NTRK2: variants seen among roughly 807,000 people sequenced by gnomAD.
The protein encoded by NTRK2 is neurotrophic receptor tyrosine kinase 2, also known as BDNF/NT-3 growth factors receptor.
In NTRK2, 13 loss-of-function variants were observed where a neutral mutation model predicts 94.5. The ratio of observed to expected loss-of-function variants is 0.14; its 90% CI spans 0.09 to 0.22. The LOEUF is 0.22. Among genes scored for constraint, NTRK2 ranks in the 10% least tolerant of loss-of-function variants. The pLI is 1.00. For missense variants in NTRK2, 639 were observed against 1,071.2 expected, an observed-to-expected ratio of 0.60 and a Z score of 5.63; for synonymous variants, 372 against 407.4, an observed-to-expected ratio of 0.91 and a Z score of 1.05.
intron 14 of NTRK2, among the ~76,000 whole-genome samples, chr9:84,895,943 G>A (rs2076746155): frequency 6.6e-6 from 1 of 152,212 alleles, no homozygotes; most frequent in Non-Finnish European, 1.5e-5. Flanking sequence ...ACTTGCAGAG[G>A]CCTATGTTAA....
intron 12 of NTRK2, among the ~76,000 whole-genome samples, chr9:84,851,841 C>T (rs2074788523): frequency 6.6e-6 from 1 of 152,160 alleles, no homozygotes; most frequent in Non-Finnish European, 1.5e-5. Context: ...TTTGCATGAG[C>T]TACAACAAAT....
At chr9:84,918,617 A>C (rs981362995) in intron 14 of NTRK2, among the ~76,000 whole-genome samples, 21 of 152,242 alleles carry the variant, frequency 1.4e-4, no homozygotes, top group South Asian at 4.1e-4. Flanking sequence ...GTTTTTTAAC[A>C]AACTCTTTGC....
chr9:84,686,710 C>T (rs1304834602), intron 2 of NTRK2, among the ~76,000 whole-genome samples: 1 of 152,158 alleles, frequency 6.6e-6, no homozygotes, highest in Non-Finnish European at 1.5e-5. Context: ...AGTAAAAATG[C>T]ATTGGGCTGA....
intron 14 of NTRK2, chr9:84,874,489 C>T (rs2075994073): frequency 9.4e-7 from 1 of 1,065,842 alleles, no homozygotes; most frequent in Non-Finnish European, 1.1e-6. Flanking sequence ...TCCTGGGGAG[C>T]TGTGATGCTG....
chr9:84,987,899 A>G (rs992032470), intron 17 of NTRK2, among the ~76,000 whole-genome samples: 16 of 152,232 alleles, frequency 1.1e-4, no homozygotes, highest in African/African-American at 3.9e-4. Flanking sequence ...CCTGTTCTTC[A>G]ATGTTGTAAA....
chr9:84,963,542 G>A (rs1227671118), intron 17 of NTRK2, among the ~76,000 whole-genome samples: 1 of 152,070 alleles, frequency 6.6e-6, no homozygotes. Context: ...TTTATTACTG[G>A]TCTTGGGCAA....
intron 17 of NTRK2, among the ~76,000 whole-genome samples, chr9:84,985,572 T>C (rs1828190362): frequency 6.6e-6 from 1 of 152,254 alleles, no homozygotes; most frequent in South Asian, 2.1e-4. Context: ...CACTGATTAA[T>C]CTTTGTGCTC....
intron 12 of NTRK2, among the ~76,000 whole-genome samples, chr9:84,837,928 A>G (rs1181353660): frequency 6.6e-6 from 1 of 152,202 alleles, no homozygotes; most frequent in Admixed American, 6.5e-5. Flanking sequence ...TATTATTACC[A>G]TTATTTTATC....
chr9:84,748,868 T>TA (rs1387173734), intron 11 of NTRK2, among the ~76,000 whole-genome samples: 1 of 152,208 alleles, frequency 6.6e-6, no homozygotes, highest in Non-Finnish European at 1.5e-5. Context: ...GTGAAATGGT[T>TA]ACGTTTATCC....
chr9:84,913,220 T>C (rs953671138), intron 14 of NTRK2, among the ~76,000 whole-genome samples: 13 of 152,188 alleles, frequency 8.5e-5, no homozygotes, highest in African/African-American at 2.9e-4. Flanking sequence ...TCTCTTTGTA[T>C]GCCCTTTTTA....
intron 17 of NTRK2, among the ~76,000 whole-genome samples, chr9:85,012,209 G>A (rs897920241): frequency 1.3e-5 from 2 of 151,758 alleles, no homozygotes; most frequent in Non-Finnish European, 2.9e-5. Flanking sequence ...GGATGGTCTC[G>A]ATCTCTTGAC....
chr9:84,964,745 T>C (rs993069342), intron 17 of NTRK2, among the ~76,000 whole-genome samples: 1 of 152,228 alleles, frequency 6.6e-6, no homozygotes, highest in Admixed American at 6.5e-5. Flanking sequence ...CTGTCCTTCA[T>C]TGCCTGTTGT....
intron 17 of NTRK2, among the ~76,000 whole-genome samples, chr9:84,972,058 C>T (rs773565721): frequency 4.6e-5 from 7 of 152,046 alleles, no homozygotes; most frequent in Admixed American, 1.3e-4. Flanking sequence ...CACCTCTAAC[C>T]GGCATGAAAA....
intron 14 of NTRK2, among the ~76,000 whole-genome samples, chr9:84,887,113 C>T (rs755743550): frequency 2.6e-5 from 4 of 152,064 alleles, no homozygotes; most frequent in African/African-American, 4.8e-5. Flanking sequence ...TTTGCTTGGG[C>T]GGAAAGTATG....
chr9:84,944,133 T>C (rs2078507256), intron 15 of NTRK2, among the ~76,000 whole-genome samples: 1 of 151,764 alleles, frequency 6.6e-6, no homozygotes, highest in Non-Finnish European at 1.5e-5. Flanking sequence ...TTTGGGGACA[T>C]GGAAATGTTA....
chr9:84,998,122 A>G (rs891136619), intron 17 of NTRK2, among the ~76,000 whole-genome samples: 1 of 152,190 alleles, frequency 6.6e-6, no homozygotes, highest in Non-Finnish European at 1.5e-5. Flanking sequence ...ATCTTTAAGC[A>G]GTGGGAGGCA....
rs192483724 is a variant in NTRK2 at position 84,910,149 on chromosome 9, T to C, written c.1634-24013T>C. ...ACTTAGGAGATTTGATTTTTGCCTA[T>C]GGATGTCCAATTGCTCTGTCACCAT... is the stretch of plus-strand genomic sequence containing the variant. On this transcript the variant is annotated intron_variant, in intron 14 of 18. Transcript: ENST00000277120. 1.5e-3 allele frequency among the ~76,000 whole-genome samples: 223 copies of C among 152,320 alleles called. 1 individual carries two copies. Among genetic ancestry groups the C allele is most frequent in the African/African-American group, 5.1e-3 (214 of 41,574 alleles).
chr9:84,854,946 CAAAAAAAAAAAAAAA>C (rs149925184), intron 12 of NTRK2, among the ~76,000 whole-genome samples: 2 of 63,376 alleles, frequency 3.2e-5, no homozygotes, highest in African/African-American at 1.3e-4. Flanking sequence ...GACTCCGTCT[CAAAAAAAAAAAAAAA>C]AAAAAAAAAA....
chr9:84,829,222 C>T (rs1021644643), intron 12 of NTRK2, among the ~76,000 whole-genome samples: 1 of 152,150 alleles, frequency 6.6e-6, no homozygotes, highest in Non-Finnish European at 1.5e-5. Context: ...TGGTCTTGAA[C>T]TCCTGACCTC....
Sources: gnomAD v4.1 joint callset for allele counts (sites outside exome capture counted in the v4.1 genomes callset) on GRCh38, gnomAD v4.1.1 for gene constraint, MANE v1.5 for transcripts, NCBI Gene and HGNC (gene_info 2026-07-23, HGNC 2026-07-21) for gene names.